The following SIK3 variants were observed in gnomAD, a reference collection of about 807,000 sequenced individuals.
SIK3 encodes the protein serine/threonine-protein kinase SIK3.
In SIK3, 28 loss-of-function variants were observed where a neutral mutation model predicts 144.2. The ratio of observed to expected loss-of-function variants is 0.19; its 90% CI spans 0.14 to 0.27. The LOEUF (loss-of-function observed/expected upper bound fraction) is 0.27, where lower values mean the gene tolerates loss of function less well. SIK3 is among the 10% of genes least tolerant of loss of function. The probability of loss-of-function intolerance (pLI) is 1.00; values close to 1 mark genes in which losing one functional copy is unlikely to be tolerated. For missense variants in SIK3, 1,319 were observed against 1,776.0 expected (o/e 0.74, Z 4.62); for synonymous variants, 686 against 676.3 (o/e 1.01, Z -0.22).
chr11:116,944,699 T>C (rs547881735), intron 3 of SIK3, among the ~76,000 whole-genome samples: 1 of 152,332 alleles, frequency 6.6e-6, no homozygotes, highest in African/African-American at 2.4e-5. Context: ...TTACCTGTAT[T>C]AAACCAAACC....
At chr11:116,862,884 G>C (rs1052579354) in intron 16 of SIK3, among the ~76,000 whole-genome samples, 6 of 152,218 alleles carry the variant, frequency 3.9e-5, no homozygotes, top group African/African-American at 9.6e-5. Context: ...GACATAGCCT[G>C]GTCAACATGG....
chr11:116,948,304 G>T (rs1948773705), intron 3 of SIK3, among the ~76,000 whole-genome samples: 2 of 151,674 alleles, frequency 1.3e-5, no homozygotes, highest in Non-Finnish European at 2.9e-5. Context: ...TTAAGACAGG[G>T]TCTTGCTCTG....
rs142971771 is a variant in SIK3, at chr11:116,900,295, C to T, written c.617-2978G>A. ...TTTCAACCTGGTAATAAAACTCTTA[C>T]TGCTTCAACTCCATGTGTCTTGACT... On this transcript the variant is annotated intron_variant, in intron 4 of 24. Coordinates refer to ENST00000445177, the MANE Select transcript of SIK3 (RefSeq NM_001366686.3). 5.6e-3 allele frequency among the ~76,000 whole-genome samples: 851 copies of T among 152,308 alleles called. 8 individuals carry two copies. Among genetic ancestry groups the T allele is most frequent in the African/African-American group, 0.019 (790 of 41,556 alleles).
intron 5 of SIK3, among the ~76,000 whole-genome samples, 159 bp from the exon 6 acceptor site, chr11:116,896,535 G>A (rs1020579120): frequency 1.3e-5 from 2 of 152,172 alleles, no homozygotes; most frequent in South Asian, 4.1e-4. Context: ...TTTGCTTCTA[G>A]GCATTAATTT....
chr11:116,913,539 A>C lies in SIK3; in HGVS notation c.616+13680T>G, dbSNP rs569690416. On this transcript the variant is annotated intron_variant, in intron 4 of 24. Coordinates refer to ENST00000445177, the MANE Select transcript of SIK3 (RefSeq NM_001366686.3). The stretch of plus-strand genomic sequence containing the variant: ...CTCCTCAATATAGGATCTTTGCATC[A>C]AACTCAGTACTGACTAGATGTATAA... Among the ~76,000 whole-genome samples the C allele has an allele frequency of 3.3e-5, 5 of 152,288 alleles. No homozygotes were observed. The East Asian group carries it at 7.7e-4, about 23-fold the overall frequency.
chr11:117,034,794 G>C (rs1176065629), intron 1 of SIK3, among the ~76,000 whole-genome samples: 8 of 152,160 alleles, frequency 5.3e-5, no homozygotes, highest in Non-Finnish European at 1.0e-4. Flanking sequence ...TTGTGAATCT[G>C]TTCGCTACCC....
chr11:116,868,230 C>T, intron 14 of SIK3, 141 bp from the exon 15 acceptor site: 1 of 1,101,938 alleles, frequency 9.1e-7, no homozygotes, highest in Admixed American at 2.1e-5. Flanking sequence ...AGATCCCTGC[C>T]TGGATGGAAG....
chr11:116,982,867 C>A (rs1458242609), intron 1 of SIK3, among the ~76,000 whole-genome samples: 2 of 147,246 alleles, frequency 1.4e-5, no homozygotes, highest in African/African-American at 5.1e-5. Context: ...TCGCTTGAAC[C>A]CAGGAGGCGG....
intron 4 of SIK3, among the ~76,000 whole-genome samples, chr11:116,923,867 C>A (rs1218079808): frequency 2.0e-5 from 3 of 152,196 alleles, no homozygotes; most frequent in Non-Finnish European, 4.4e-5. Context: ...TTAACAACAA[C>A]AACAACAGAA....
intron 22 of SIK3, among the ~76,000 whole-genome samples, chr11:116,847,892 G>A (rs1942112840): frequency 1.3e-5 from 2 of 152,192 alleles, no homozygotes; most frequent in South Asian, 2.1e-4. Flanking sequence ...CCAGGTTTCT[G>A]ACCTATCCCC....
At chr11:116,937,915 C>A (rs902700606) in intron 3 of SIK3, among the ~76,000 whole-genome samples, 1 of 152,014 alleles carries the variant, frequency 6.6e-6, no homozygotes, top group Non-Finnish European at 1.5e-5. Context: ...TTTAAAGAAA[C>A]CAGAGTTGGC....
chr11:116,876,392 AC>A, intron 7 of SIK3, 29 bp from the exon 8 acceptor site: 6 of 1,546,430 alleles, frequency 3.9e-6, no homozygotes, highest in Non-Finnish European at 4.5e-6. Flanking sequence ...GAAGCTGTCA[AC>A]CCCCCAATTA....
At chr11:116,850,748 C>T (rs938011653) in intron 21 of SIK3, among the ~76,000 whole-genome samples, 3 of 152,160 alleles carry the variant, frequency 2.0e-5, no homozygotes, top group Admixed American at 6.5e-5. Context: ...AGGCCGGGTG[C>T]GTGTAATCCC....
At chr11:117,076,732 G>A (rs374095743) in intron 1 of SIK3, among the ~76,000 whole-genome samples, 7 of 152,078 alleles carry the variant, frequency 4.6e-5, no homozygotes, top group Middle Eastern at 3.4e-3. Context: ...TAGTAGAGAC[G>A]GGGTTTCACC....
rs71037444 is a variant in SIK3 at position 117,021,928 on chromosome 11, CAAAAAAAAAAAAA to C, written c.274-64877_274-64865del. Among the ~76,000 whole-genome samples the C allele has an allele frequency of 7.3e-3, 433 of 58,962 alleles. No homozygotes were observed. The Middle Eastern group carries it at 0.1, about 14-fold the overall frequency. The allele number at this position is 58,962 out of a possible 152,430, so 38.7% of individuals were successfully genotyped here. A position where few individuals can be genotyped will look rare whatever the true frequency, so the allele number is the denominator to read the frequency against. On this transcript the variant is annotated intron_variant, in intron 1 of 24. Transcript: ENST00000445177. ...ATAGCACAGTGAGCCTCTGTCTCTA[CAAAAAAAAAAAAA>C]AAAAAAAAAAAAAAAAAAAACCTAA...
intron 3 of SIK3, among the ~76,000 whole-genome samples, chr11:116,941,957 T>C (rs773157349): frequency 2.2e-4 from 33 of 152,236 alleles, no homozygotes; most frequent in Non-Finnish European, 3.8e-4. Context: ...TCACTGCTCC[T>C]TCATAATATA....
At chr11:116,919,706 T>C (rs1946857132) in intron 4 of SIK3, among the ~76,000 whole-genome samples, 1 of 152,218 alleles carries the variant, frequency 6.6e-6, no homozygotes, top group African/African-American at 2.4e-5. Context: ...AAAATTACTT[T>C]CGAATAGCAA....
At chr11:116,895,793 A>G (rs926455124) in intron 6 of SIK3, among the ~76,000 whole-genome samples, 2 of 152,228 alleles carry the variant, frequency 1.3e-5, no homozygotes. Context: ...AGCAAGACTA[A>G]GATGCAAAGC....
At chr11:116,932,762 A>C (rs1024603637) in intron 3 of SIK3, among the ~76,000 whole-genome samples, 1 of 152,174 alleles carries the variant, frequency 6.6e-6, no homozygotes, top group African/African-American at 2.4e-5. Flanking sequence ...AAACAGAATC[A>C]TACAGTCGGC....
Sources: gnomAD v4.1 joint callset for allele counts (sites outside exome capture counted in the v4.1 genomes callset) on GRCh38, gnomAD v4.1.1 for gene constraint, MANE v1.5 for transcripts, NCBI Gene and HGNC (gene_info 2026-07-23, HGNC 2026-07-21) for gene names.